The following RABGAP1L variants were observed in gnomAD, a reference collection of about 807,000 sequenced individuals.
RABGAP1L encodes rab GTPase-activating protein 1-like.
In RABGAP1L, 63 loss-of-function variants were observed where a neutral mutation model predicts 137.7. That is an observed-to-expected ratio of 0.46 (90% CI 0.37 to 0.56). The LOEUF (loss-of-function observed/expected upper bound fraction) is 0.56. Ranked by LOEUF, RABGAP1L falls within the 20% of genes least tolerant of loss-of-function variation. The pLI is 0.00. For missense variants in RABGAP1L, 1,095 were observed against 1,244.0 expected (o/e 0.88, Z 1.80); for synonymous variants, 431 against 433.7 (o/e 0.99, Z 0.08).
intron 9 of RABGAP1L, among the ~76,000 whole-genome samples, chr1:174,276,301 C>T (rs921671269): frequency 2.0e-5 from 3 of 152,118 alleles, no homozygotes; most frequent in African/African-American, 7.2e-5. Context: ...TGTGTGCTGC[C>T]ATGCATGGCT....
At chr1:174,880,717 G>A (rs892090745) in intron 19 of RABGAP1L, among the ~76,000 whole-genome samples, 8 of 151,742 alleles carry the variant, frequency 5.3e-5, no homozygotes, top group Non-Finnish European at 1.0e-4. Flanking sequence ...AGCCTCTCCT[G>A]AGTAGCTGGG....
intron 13 of RABGAP1L, among the ~76,000 whole-genome samples, chr1:174,420,330 A>G (rs964304814): frequency 2.6e-5 from 4 of 152,162 alleles, no homozygotes; most frequent in African/African-American, 9.6e-5. Flanking sequence ...TACTAAAAGC[A>G]TTAACTCAGC....
intron 13 of RABGAP1L, among the ~76,000 whole-genome samples, chr1:174,433,227 A>G (rs1002739292): frequency 1.3e-5 from 2 of 152,236 alleles, no homozygotes; most frequent in African/African-American, 2.4e-5. Flanking sequence ...TAAAGCCTAC[A>G]TTCTTTCCTC....
chr1:174,407,599 A>G (rs1431819521), intron 13 of RABGAP1L, among the ~76,000 whole-genome samples: 3 of 152,206 alleles, frequency 2.0e-5, no homozygotes, highest in Non-Finnish European at 4.4e-5. Flanking sequence ...TGACAGCTTC[A>G]TGAATTTCCT....
At chr1:174,804,637 A>G (rs1434135518) in intron 18 of RABGAP1L, among the ~76,000 whole-genome samples, 1 of 152,092 alleles carries the variant, frequency 6.6e-6, no homozygotes, top group African/African-American at 2.4e-5. Flanking sequence ...TAATTTTGCT[A>G]CTATATGCCA....
chr1:174,783,119 C>T (rs1208259033), intron 18 of RABGAP1L, among the ~76,000 whole-genome samples: 1 of 152,258 alleles, frequency 6.6e-6, no homozygotes, highest in East Asian at 1.9e-4. Flanking sequence ...TGACTTCCAG[C>T]CCTCTGGATC....
chr1:174,971,714 C>T (rs1223309737), intron 21 of RABGAP1L, among the ~76,000 whole-genome samples: 1 of 152,244 alleles, frequency 6.6e-6, no homozygotes, highest in African/African-American at 2.4e-5. Context: ...TGACCTGCCC[C>T]ACCAGTCTTC....
chr1:174,936,949 G>A (rs1445516251), intron 19 of RABGAP1L, among the ~76,000 whole-genome samples: 1 of 149,674 alleles, frequency 6.7e-6, no homozygotes, highest in Non-Finnish European at 1.5e-5. Flanking sequence ...AATGAGGAAG[G>A]ACCATAATTT....
intron 19 of RABGAP1L, among the ~76,000 whole-genome samples, chr1:174,930,929 A>G (rs1663686086): frequency 7.1e-6 from 1 of 140,310 alleles, no homozygotes; most frequent in Non-Finnish European, 1.5e-5. Context: ...TGAAACAACC[A>G]GAGTCCAAGT....
At chr1:174,819,017 C>CA (rs1363020106) in intron 19 of RABGAP1L, among the ~76,000 whole-genome samples, 2 of 150,766 alleles carry the variant, frequency 1.3e-5, no homozygotes, top group Non-Finnish European at 1.5e-5. Context: ...GACCCTGTCT[C>CA]AAAAAAACTC....
rs1437936876 is a variant in RABGAP1L at position 174,991,182 on chromosome 1, A to AT, written c.*1187dup. On this transcript the variant is annotated 3_prime_UTR_variant, in exon 26 of 26. Transcript: ENST00000681986. Reference sequence around the variant, plus strand: ...CTATTGTTTAAAAATTAGTGGAAATATTTTTTCAATTATATTTAACATGCC... The same window carrying AT: ...CTATTGTTTAAAAATTAGTGGAAATATTTTTTTCAATTATATTTAACATGCC... 1 of 152,186 alleles carries AT rather than the reference A, an allele frequency of 6.6e-6. No homozygotes were observed. Among genetic ancestry groups the AT allele is most frequent in the African/African-American group, 2.4e-5 (1 of 41,446 alleles). 9.4% of individuals were successfully genotyped at this position (152,186 alleles called of 1,614,324 possible). A position where few individuals can be genotyped will look rare whatever the true frequency, so the allele number is the denominator to read the frequency against.
intron 5 of RABGAP1L, among the ~76,000 whole-genome samples, chr1:174,247,027 A>AT (rs936513644): frequency 3.3e-5 from 5 of 151,732 alleles, no homozygotes; most frequent in South Asian, 2.1e-4. Context: ...ATGGAATCTT[A>AT]TTTTTTTTTC....
chr1:174,228,527 T>A (rs1160112151), intron 3 of RABGAP1L, among the ~76,000 whole-genome samples: 5 of 152,166 alleles, frequency 3.3e-5, no homozygotes, highest in African/African-American at 1.2e-4. Context: ...CAAAGTAATT[T>A]AAACATATTA....
intron 7 of RABGAP1L, among the ~76,000 whole-genome samples, chr1:174,256,941 C>A (rs1168506132): frequency 6.6e-6 from 1 of 152,182 alleles, no homozygotes; most frequent in Non-Finnish European, 1.5e-5. Context: ...CTTCTCTCTA[C>A]ATTTTGTATT....
At position 174,699,542 on chromosome 1, in the gene RABGAP1L, A is replaced by C. The variant is rs775708868; in HGVS notation, c.1917A>C (p.Ala639=). 166 of 1,612,624 alleles carry C rather than the reference A, an allele frequency of 1.0e-4. No individual in the cohort carries two copies. Among genetic ancestry groups the C allele is most frequent in the Non-Finnish European group, 1.4e-4 (162 of 1,179,030 alleles). The change falls in exon 16 of 26, where the codon GCA becomes GCC. Residue 639 remains alanine, a synonymous_variant. Coordinates refer to ENST00000681986, the MANE Select transcript of RABGAP1L (RefSeq NM_001366446.1). ...TTCTGTAGATGCCAGAGGAACAAGC[A>C]TTCTGTGTTTTGGTGAAAATCATGT... The part of the protein sequence containing the change: ...VLLLHMPEEQ[A]FCVLVKIMYD...
chr1:174,428,596 A>G lies in RABGAP1L; in HGVS notation c.1710+34451A>G, dbSNP rs564656260. ...TGCCTTCACTTTCACTTGCATTGCCAGAGTACTTAATCGTTATTAAGAGAT... is the reference window on the plus strand; with the variant it reads ...TGCCTTCACTTTCACTTGCATTGCCGGAGTACTTAATCGTTATTAAGAGAT... On this transcript the variant is annotated intron_variant, in intron 13 of 25. Transcript: ENST00000681986. Among the ~76,000 whole-genome samples the G allele has an allele frequency of 2.0e-5, 3 of 152,304 alleles. No individual in the cohort carries two copies. The South Asian group carries it at 6.2e-4, about 32-fold the overall frequency.
At chr1:174,863,541 C>T (rs1199953019) in intron 19 of RABGAP1L, among the ~76,000 whole-genome samples, 4 of 151,452 alleles carry the variant, frequency 2.6e-5, no homozygotes, top group South Asian at 2.1e-4. Context: ...GGCATGGTGG[C>T]GGACGCCTGT....
chr1:174,862,126 A>G (rs1650352387), intron 19 of RABGAP1L, among the ~76,000 whole-genome samples: 1 of 152,170 alleles, frequency 6.6e-6, no homozygotes. Flanking sequence ...GTTATGGTAT[A>G]AGATAAGGGT....
chr1:174,713,294 A>G (rs1680729999), intron 17 of RABGAP1L, among the ~76,000 whole-genome samples: 1 of 152,122 alleles, frequency 6.6e-6, no homozygotes, highest in African/African-American at 2.4e-5. Context: ...TTTTTACTAC[A>G]TATGTATGTA....
Sources: gnomAD v4.1 joint callset for allele counts (sites outside exome capture counted in the v4.1 genomes callset) on GRCh38, gnomAD v4.1.1 for gene constraint, MANE v1.5 for transcripts, NCBI Gene and HGNC (gene_info 2026-07-23, HGNC 2026-07-21) for gene names.